Variants in TMEM266 observed in about 807,000 individuals in gnomAD.
TMEM266 encodes transmembrane protein 266, also known as Hv1 related protein 1.
A neutral mutation model predicts 50.5 loss-of-function variants in TMEM266; 33 were observed. The ratio of observed to expected loss-of-function variants is 0.65; its 90% confidence interval spans 0.50 to 0.87. The LOEUF is 0.87. Among genes scored for constraint, TMEM266 ranks in the 40% least tolerant of loss-of-function variants. TMEM266 has a pLI of 0.00. For synonymous variants in TMEM266, 310 were observed against 292.3 expected, an observed-to-expected ratio of 1.06 and a Z score of -0.62; for missense variants, 655 against 695.1, an observed-to-expected ratio of 0.94 and a Z score of 0.65.
At chr15:76,084,957 TC>T (rs1312517986) in intron 1 of TMEM266, among the ~76,000 whole-genome samples, 1 of 149,730 alleles carries the variant, frequency 6.7e-6, no homozygotes, top group South Asian at 2.1e-4. Context: ...TTTTTCTTTT[TC>T]CTTTTTTTTT....
intron 3 of TMEM266, among the ~76,000 whole-genome samples, chr15:76,140,165 A>G (rs564768280): frequency 6.6e-6 from 1 of 152,308 alleles, no homozygotes; most frequent in South Asian, 2.1e-4. Context: ...CCCGTTGGGT[A>G]AATAGGAAGC....
intron 1 of TMEM266, among the ~76,000 whole-genome samples, chr15:76,119,733 C>T: frequency 6.6e-6 from 1 of 151,690 alleles, no homozygotes; most frequent in East Asian, 1.9e-4. Context: ...TGCCACAGCA[C>T]TCCAGCCTGG....
chr15:76,081,452 A>G (rs887943310), intron 1 of TMEM266, among the ~76,000 whole-genome samples: 5 of 152,088 alleles, frequency 3.3e-5, no homozygotes, highest in Non-Finnish European at 7.4e-5. Flanking sequence ...TGCCTATATC[A>G]CCTTCCACTG....
chr15:76,116,488 C>G (rs528845269), intron 1 of TMEM266, among the ~76,000 whole-genome samples: 3 of 152,182 alleles, frequency 2.0e-5, no homozygotes, highest in South Asian at 2.1e-4. Context: ...GTCCCTCCCC[C>G]TCTCCTCCTC....
chr15:76,096,633 A>G (rs992970995), intron 1 of TMEM266, among the ~76,000 whole-genome samples: 5 of 152,074 alleles, frequency 3.3e-5, no homozygotes, highest in South Asian at 2.1e-4. Context: ...CACTTGGTCC[A>G]GAGCTAAGTT....
intron 4 of TMEM266, among the ~76,000 whole-genome samples, chr15:76,159,640 A>G (rs2037985012): frequency 1.3e-5 from 2 of 152,118 alleles, no homozygotes; most frequent in African/African-American, 2.4e-5. Flanking sequence ...AAGCTCACCT[A>G]GAGTCCCCTG....
At chr15:76,099,476 T>C (rs1162103325) in intron 1 of TMEM266, among the ~76,000 whole-genome samples, 1 of 152,246 alleles carries the variant, frequency 6.6e-6, no homozygotes, top group Non-Finnish European at 1.5e-5. Context: ...ACCCATCTTC[T>C]GTGTCGACCT....
chr15:76,076,693 T>G (rs2036612470), intron 1 of TMEM266, among the ~76,000 whole-genome samples: 1 of 152,036 alleles, frequency 6.6e-6, no homozygotes, highest in Non-Finnish European at 1.5e-5. Flanking sequence ...GGTAAGGAAC[T>G]GTCATGAATG....
chr15:76,089,293 T>C (rs112405217), intron 1 of TMEM266, among the ~76,000 whole-genome samples: 19 of 148,550 alleles, frequency 1.3e-4, no homozygotes, highest in South Asian at 8.6e-4. Flanking sequence ...TCCGGGTTCA[T>C]GCCATTCTCC....
rs2037877517 is a variant in TMEM266 at position 76,153,648 on chromosome 15, G to A, written c.228-2956G>A. On this transcript the variant is annotated intron_variant, in intron 3 of 10. Coordinates refer to ENST00000388942, the MANE Select transcript of TMEM266 (RefSeq NM_152335.3). The surrounding 1 kb of genome is among the most constrained non-coding windows in gnomAD (Gnocchi z 4.2). ...GCAGGAGGGGAACCGGCTTCCGGGGGCGCTGAGGCGGCTGGAGGCTGGGTG... is the reference window on the plus strand; with the variant it reads ...GCAGGAGGGGAACCGGCTTCCGGGGACGCTGAGGCGGCTGGAGGCTGGGTG... 6.6e-6 allele frequency among the ~76,000 whole-genome samples: 1 copy of A among 152,122 alleles called. No individual in the cohort carries two copies. The highest frequency in any genetic ancestry group is 1.5e-5 in the Non-Finnish European group (1 of 68,016).
At position 76,152,663 on chromosome 15, in the gene TMEM266, C is replaced by T. The variant is rs961959501; in HGVS notation, c.228-3941C>T. 2.5e-4 allele frequency among the ~76,000 whole-genome samples: 38 copies of T among 152,168 alleles called. 1 individual carries two copies. The highest frequency in any genetic ancestry group is 9.2e-4 in the African/African-American group (38 of 41,432). On this transcript the variant is annotated intron_variant, in intron 3 of 10. Coordinates refer to ENST00000388942, the MANE Select transcript of TMEM266 (RefSeq NM_152335.3). ...ATTTCAACCATGCCTGGATCGCTGT[C>T]CCCTCACCCCCATCAGCTTTCTCAC... is the stretch of plus-strand genomic sequence containing the variant.
Position 76,065,823 on chromosome 15 carries a change from C to T in TMEM266, c.-97+5807C>T, listed in dbSNP as rs74024080. On this transcript the variant is annotated intron_variant, in intron 1 of 10. Transcript: ENST00000388942. ...ATCAGGACCTCTAAGATCTGGCTCT[C>T]GTTTAGTTTGTTTATATCTCAGACC... 8.6e-3 allele frequency among the ~76,000 whole-genome samples: 1,312 copies of T among 152,246 alleles called. 18 individuals are homozygous for T. Among genetic ancestry groups the T allele is most frequent in the African/African-American group, 0.03 (1,240 of 41,538 alleles).
intron 9 of TMEM266, among the ~76,000 whole-genome samples, chr15:76,194,389 C>A (rs997944577): frequency 2.6e-5 from 4 of 152,216 alleles, no homozygotes; most frequent in Non-Finnish European, 5.9e-5. Flanking sequence ...AGTCTCCCCT[C>A]CCCCACCATA....
chr15:76,204,456 G>A lies in TMEM266; in HGVS notation c.*141G>A, dbSNP rs2038805072. The A allele has an allele frequency of 5.4e-6, 4 of 747,508 alleles. No individual in the cohort carries two copies. Among genetic ancestry groups the A allele is most frequent in the Non-Finnish European group, 8.5e-6 (4 of 471,094 alleles). 46.3% of individuals were successfully genotyped at this position (747,508 alleles called of 1,614,324 possible). A position where few individuals can be genotyped will look rare whatever the true frequency, so the allele number is the denominator to read the frequency against. ...GGGTGCTGCCTGCCTCCAGGGAGGC[G>A]ACGCCAGGCCAGGAGGCCACAAGCT... On this transcript the variant is annotated 3_prime_UTR_variant, in exon 11 of 11. Coordinates refer to ENST00000388942, the MANE Select transcript of TMEM266 (RefSeq NM_152335.3).
chr15:76,150,995 T>C (rs2037833577), intron 3 of TMEM266, among the ~76,000 whole-genome samples: 1 of 152,116 alleles, frequency 6.6e-6, no homozygotes, highest in African/African-American at 2.4e-5. Context: ...TACCTTATGG[T>C]AGAATACTCG....
At chr15:76,202,560 A>G (rs2038765374) in intron 10 of TMEM266, among the ~76,000 whole-genome samples, 1 of 152,142 alleles carries the variant, frequency 6.6e-6, no homozygotes, top group Non-Finnish European at 1.5e-5. Flanking sequence ...CAGAACTCCA[A>G]GTGACCTCAG....
intron 1 of TMEM266, among the ~76,000 whole-genome samples, chr15:76,116,389 G>A (rs972064960): frequency 1.4e-4 from 22 of 152,086 alleles, no homozygotes; most frequent in Non-Finnish European, 2.4e-4. Flanking sequence ...CTAGCTTAAG[G>A]GAAAAGGTAT....
At chr15:76,089,884 G>C (rs2036826006) in intron 1 of TMEM266, among the ~76,000 whole-genome samples, 1 of 152,168 alleles carries the variant, frequency 6.6e-6, no homozygotes, top group African/African-American at 2.4e-5. Context: ...TTGGCAACTG[G>C]TTGGGGGCTG....
intron 1 of TMEM266, among the ~76,000 whole-genome samples, chr15:76,131,099 A>C (rs1316797551): frequency 6.6e-6 from 1 of 152,184 alleles, no homozygotes. Context: ...ATTTGGGGCT[A>C]GGCATGGTGT....
Sources: allele counts gnomAD v4.1 joint callset (sites outside exome capture counted in the v4.1 genomes callset), GRCh38; gene constraint gnomAD v4.1.1; non-coding constraint Gnocchi (gnomAD v3.1); transcripts MANE v1.5; gene names NCBI Gene and HGNC (gene_info 2026-07-23, HGNC 2026-07-21).